GPC5: variants seen among roughly 807,000 people sequenced by gnomAD.
GPC5 encodes glypican-5.
In GPC5, 47 loss-of-function variants were observed where a neutral mutation model predicts 53.9. The ratio of observed to expected loss-of-function variants is 0.87; its 90% CI spans 0.69 to 1.11. The LOEUF (loss-of-function observed/expected upper bound fraction) is 1.11. Ranked by LOEUF, GPC5 falls within the 50% of genes most tolerant of loss-of-function variation. The probability of loss-of-function intolerance (pLI) is 0.00; values close to 1 mark genes in which losing one functional copy is unlikely to be tolerated. For missense variants in GPC5, 748 were observed against 713.1 expected, an observed-to-expected ratio of 1.05 and a Z score of -0.56; for synonymous variants, 286 against 263.3, an observed-to-expected ratio of 1.09 and a Z score of -0.84.
At chr13:91,662,122 G>C (rs1401855726) in intron 2 of GPC5, among the ~76,000 whole-genome samples, 1 of 152,088 alleles carries the variant, frequency 6.6e-6, no homozygotes, top group Non-Finnish European at 1.5e-5. Flanking sequence ...GGGAAGAAGA[G>C]AACTGAGGCA....
At chr13:92,161,523 A>C (rs747390273) in intron 7 of GPC5, among the ~76,000 whole-genome samples, 4 of 152,178 alleles carry the variant, frequency 2.6e-5, no homozygotes, top group Non-Finnish European at 5.9e-5. Flanking sequence ...CAAAAATAAT[A>C]AGTATGTGTA....
intron 7 of GPC5, among the ~76,000 whole-genome samples, chr13:92,836,153 T>A (rs965717780): frequency 9.9e-5 from 15 of 152,176 alleles, no homozygotes; most frequent in African/African-American, 3.4e-4. Flanking sequence ...CATACAAAAG[T>A]TTTTAGTGTT....
chr13:92,095,910 C>T (rs1318480809), intron 6 of GPC5, among the ~76,000 whole-genome samples: 1 of 152,180 alleles, frequency 6.6e-6, no homozygotes, highest in African/African-American at 2.4e-5. Context: ...ATTTTATTCT[C>T]ATAACTCTCT....
intron 5 of GPC5, among the ~76,000 whole-genome samples, chr13:91,778,077 C>G (rs543702440): frequency 6.7e-6 from 1 of 149,226 alleles, no homozygotes; most frequent in Non-Finnish European, 1.5e-5. Flanking sequence ...AAATACACAC[C>G]TCTTTATAGC....
At chr13:92,799,843 A>G (rs1700468698) in intron 7 of GPC5, among the ~76,000 whole-genome samples, 1 of 151,852 alleles carries the variant, frequency 6.6e-6, no homozygotes, top group South Asian at 2.1e-4. Context: ...GTGCATCCAA[A>G]TAATTTGTGC....
At chr13:91,822,395 C>T (rs1030922246) in intron 5 of GPC5, among the ~76,000 whole-genome samples, 20 of 152,126 alleles carry the variant, frequency 1.3e-4, no homozygotes, top group South Asian at 8.3e-4. Flanking sequence ...AGAAAAGAGA[C>T]GCAAGATCAG....
rs527336437 is a variant in GPC5, at chr13:92,215,852, G to A, written c.1561+70863G>A. 3.3e-5 allele frequency among the ~76,000 whole-genome samples: 5 copies of A among 152,288 alleles called. No homozygotes were observed. In the South Asian group the frequency reaches 1.0e-3, roughly 32 times the overall value. On this transcript the variant is annotated intron_variant, in intron 7 of 7. Transcript: ENST00000377067. ...TGATGGTGCTTGTTGATGGTCTAGT[G>A]TTAGACCCTGCTTAGCCAGGACAGC...
intron 1 of GPC5, among the ~76,000 whole-genome samples, chr13:91,410,484 C>A (rs190831969): frequency 1.3e-5 from 2 of 150,286 alleles, no homozygotes; most frequent in Admixed American, 6.7e-5. Flanking sequence ...TCGCTGGGAC[C>A]ACAGGCACCC....
chr13:91,573,187 G>A (rs1448986195), intron 2 of GPC5, among the ~76,000 whole-genome samples: 2 of 152,156 alleles, frequency 1.3e-5, no homozygotes, highest in Non-Finnish European at 2.9e-5. Flanking sequence ...TCGTTTCCAA[G>A]GCAGAGCTGT....
At chr13:92,622,880 C>T (rs1884921296) in intron 7 of GPC5, among the ~76,000 whole-genome samples, 1 of 152,046 alleles carries the variant, frequency 6.6e-6, no homozygotes, top group Admixed American at 6.5e-5. Flanking sequence ...TCTAAAAACA[C>T]TTGGCAGAAG....
intron 2 of GPC5, among the ~76,000 whole-genome samples, chr13:91,459,688 C>A (rs1229765288): frequency 5.3e-5 from 8 of 151,970 alleles, no homozygotes; most frequent in Admixed American, 5.3e-4. Context: ...GGTGGTGTGA[C>A]AGAGACATCC....
intron 7 of GPC5, among the ~76,000 whole-genome samples, chr13:92,855,616 G>T (rs1413644051): frequency 6.9e-6 from 1 of 145,696 alleles, no homozygotes; most frequent in Non-Finnish European, 1.5e-5. Context: ...TAATTTTTTA[G>T]AATTGAAAAA....
At chr13:92,801,096 A>G (rs1002862201) in intron 7 of GPC5, among the ~76,000 whole-genome samples, 5 of 151,708 alleles carry the variant, frequency 3.3e-5, no homozygotes, top group Admixed American at 1.3e-4. Context: ...TGTACATTCT[A>G]TATAACAAAA....
chr13:92,613,358 AAT>A (rs1392460680), intron 7 of GPC5, among the ~76,000 whole-genome samples: 2 of 90,744 alleles, frequency 2.2e-5, no homozygotes, highest in Non-Finnish European at 3.9e-5. Flanking sequence ...ATAAATATAT[AAT>A]ATATTTATAT....
At position 92,866,380 on chromosome 13, in the gene GPC5, A is replaced by G; in HGVS notation, c.1660A>G (p.Thr554Ala). ...AACAGGAGCAGGATGTGCAGTGGCG[A>G]CTGAATCTATGACATTCACTCTGAT... is the stretch of plus-strand genomic sequence containing the variant. ...DTTGAGCAVA[T>A]ESMTFTLISV... Residue 554 changes from threonine to alanine, a missense_variant, in exon 8 of 8, where the codon ACT (threonine) becomes GCT (alanine). Transcript: ENST00000377067. 3 of 1,612,888 alleles carry G rather than the reference A, an allele frequency of 1.9e-6. No homozygotes were observed. Among genetic ancestry groups the G allele is most frequent in the Non-Finnish European group, 2.5e-6 (3 of 1,179,204 alleles).
chr13:91,777,941 C>A (rs1424913925), intron 5 of GPC5, among the ~76,000 whole-genome samples: 1 of 152,150 alleles, frequency 6.6e-6, no homozygotes, highest in Admixed American at 6.5e-5. Context: ...CCGCAATAGA[C>A]TCCCTTTCTT....
At chr13:91,522,628 T>C (rs1885879900) in intron 2 of GPC5, among the ~76,000 whole-genome samples, 1 of 152,116 alleles carries the variant, frequency 6.6e-6, no homozygotes, top group Non-Finnish European at 1.5e-5. Context: ...ATTAACTCTC[T>C]ACGTTAGATA....
At chr13:91,692,503 T>G (rs968484521) in intron 2 of GPC5, among the ~76,000 whole-genome samples, 3 of 152,204 alleles carry the variant, frequency 2.0e-5, no homozygotes. Flanking sequence ...AATTAAGTAC[T>G]TAATGTGACC....
chr13:92,258,045 T>G (rs962329382), intron 7 of GPC5, among the ~76,000 whole-genome samples: 6 of 152,202 alleles, frequency 3.9e-5, no homozygotes, highest in African/African-American at 1.2e-4. Context: ...GCTCATTAAT[T>G]GCCTCTCAAG....
Sources: allele counts gnomAD v4.1 joint callset (sites outside exome capture counted in the v4.1 genomes callset), GRCh38; gene constraint gnomAD v4.1.1; transcripts MANE v1.5; gene names NCBI Gene and HGNC (gene_info 2026-07-23, HGNC 2026-07-21).